Variants in RBFOX1 observed in about 807,000 individuals in gnomAD.
RBFOX1 encodes RNA binding protein fox-1 homolog 1.
RBFOX1 carries 8 observed loss-of-function variants against 57.7 expected under a neutral mutation model. The observed-to-expected ratio is 0.14, with a 90% confidence interval of 0.08 to 0.25. RBFOX1 has a LOEUF of 0.25. Ranked by LOEUF, RBFOX1 falls within the 10% of genes least tolerant of loss-of-function variation. The probability of loss-of-function intolerance (pLI) is 1.00; values close to 1 mark genes in which losing one functional copy is unlikely to be tolerated. For synonymous variants in RBFOX1, 326 were observed against 222.4 expected (o/e 1.47, Z -4.15); for missense variants, 611 against 548.5 (o/e 1.11, Z -1.14).
intron 2 of RBFOX1, among the ~76,000 whole-genome samples, chr16:6,583,440 G>A (rs2097565069): frequency 6.6e-6 from 1 of 152,218 alleles, no homozygotes; most frequent in Admixed American, 6.5e-5. Context: ...TTAAGTTTTG[G>A]GGGAGCATCT....
At chr16:6,977,016 G>A (rs796302767) in intron 3 of RBFOX1, among the ~76,000 whole-genome samples, 17 of 140,948 alleles carry the variant, frequency 1.2e-4, no homozygotes, top group South Asian at 2.2e-4. Context: ...TATATCATAT[G>A]TATCATGTAT....
intron 3 of RBFOX1, among the ~76,000 whole-genome samples, chr16:5,852,993 C>A (rs1190194990): frequency 7.9e-5 from 12 of 152,150 alleles, no homozygotes; most frequent in Non-Finnish European, 2.9e-5. Context: ...GTGCAGAAGA[C>A]TTTTCACTGC....
chr16:6,692,276 T>C (rs1365969654), intron 3 of RBFOX1, among the ~76,000 whole-genome samples: 1 of 150,360 alleles, frequency 6.7e-6, no homozygotes, highest in Non-Finnish European at 1.5e-5. Context: ...GTGTCTGAGC[T>C]GTGGTTTGGA....
chr16:6,501,038 C>A (rs940431049), intron 2 of RBFOX1, among the ~76,000 whole-genome samples: 1 of 151,538 alleles, frequency 6.6e-6, no homozygotes, highest in African/African-American at 2.4e-5. Context: ...AGGATGGTCT[C>A]ACTGCCCATG....
At chr16:6,808,680 C>G (rs1050028844) in intron 3 of RBFOX1, among the ~76,000 whole-genome samples, 1 of 152,094 alleles carries the variant, frequency 6.6e-6, no homozygotes, top group Non-Finnish European at 1.5e-5. Context: ...AAATGGTATA[C>G]AGTGAAGAGT....
At chr16:7,122,096 A>G (rs1044484250) in intron 4 of RBFOX1, among the ~76,000 whole-genome samples, 1 of 152,130 alleles carries the variant, frequency 6.6e-6, no homozygotes, top group African/African-American at 2.4e-5. Flanking sequence ...AGGAGTTAAA[A>G]TAAGAATTTT....
chr16:6,029,491 T>C (rs191285872), intron 1 of RBFOX1, among the ~76,000 whole-genome samples: 21 of 152,260 alleles, frequency 1.4e-4, no homozygotes, highest in African/African-American at 4.8e-4. Context: ...AAGAAAAACA[T>C]GGCCGGGCGT....
chr16:5,436,375 A>G (rs1050469096), intron 1 of RBFOX1, among the ~76,000 whole-genome samples: 2 of 152,326 alleles, frequency 1.3e-5, no homozygotes, highest in African/African-American at 2.4e-5. Context: ...GAAAACCACC[A>G]TCACTCTGCA....
Position 5,425,966 on chromosome 16 carries a change from C to T in RBFOX1, c.220-41250C>T, listed in dbSNP as rs546639177. ...CAGCGGCTTTAGCTTCCTTTCACCC[C>T]TGGAAGGAGAGAGTGTGCAGGGACA... On this transcript the variant is annotated intron_variant, in intron 1 of 2. Transcript: ENST00000585867. 2.0e-5 allele frequency among the ~76,000 whole-genome samples: 3 copies of T among 152,282 alleles called. No homozygotes were observed. The East Asian group carries it at 5.8e-4, about 29-fold the overall frequency.
intron 4 of RBFOX1, among the ~76,000 whole-genome samples, chr16:7,503,460 T>A (rs984007990): frequency 2.0e-5 from 3 of 152,198 alleles, no homozygotes; most frequent in African/African-American, 7.2e-5. Context: ...ATCTGTAGGG[T>A]AACTGCAAGT....
intron 4 of RBFOX1, among the ~76,000 whole-genome samples, chr16:7,489,854 G>A (rs140300448): frequency 5.9e-4 from 90 of 151,928 alleles, no homozygotes; most frequent in Admixed American, 1.0e-3. Flanking sequence ...CCACACTTTC[G>A]CACACCAAGA....
At chr16:7,302,145 T>G (rs1422380217) in intron 4 of RBFOX1, among the ~76,000 whole-genome samples, 1 of 152,112 alleles carries the variant, frequency 6.6e-6, no homozygotes, top group African/African-American at 2.4e-5. Context: ...AACATGCTAC[T>G]GTGTCCCTGA....
At chr16:6,568,373 A>G (rs912649524) in intron 2 of RBFOX1, among the ~76,000 whole-genome samples, 1 of 152,138 alleles carries the variant, frequency 6.6e-6, no homozygotes, top group Non-Finnish European at 1.5e-5. Flanking sequence ...AGGCTGCTGG[A>G]GTGTCCTGGA....
intron 3 of RBFOX1, among the ~76,000 whole-genome samples, chr16:6,949,125 C>G (rs1432889531): frequency 1.3e-5 from 2 of 152,054 alleles, no homozygotes; most frequent in Non-Finnish European, 2.9e-5. Context: ...TTTTTTAAAA[C>G]ATGGATAGGG....
chr16:6,601,153 A>C (rs1201476723), intron 2 of RBFOX1, among the ~76,000 whole-genome samples: 1 of 152,236 alleles, frequency 6.6e-6, no homozygotes, highest in Non-Finnish European at 1.5e-5. Flanking sequence ...TTTAAACTGA[A>C]GAACAGAAAG....
At chr16:7,337,500 T>C (rs1046245471) in intron 4 of RBFOX1, among the ~76,000 whole-genome samples, 3 of 152,116 alleles carry the variant, frequency 2.0e-5, no homozygotes, top group African/African-American at 7.2e-5. Context: ...TTACTGCCAC[T>C]GTAGGATGTG....
At chr16:6,715,627 G>A (rs1353182532) in intron 3 of RBFOX1, among the ~76,000 whole-genome samples, 1 of 152,006 alleles carries the variant, frequency 6.6e-6, no homozygotes, top group Non-Finnish European at 1.5e-5. Context: ...TCTCCTTTCT[G>A]GCCTCATCTC....
chr16:6,979,571 G>T (rs1435151074), intron 3 of RBFOX1, among the ~76,000 whole-genome samples: 1 of 152,180 alleles, frequency 6.6e-6, no homozygotes, highest in Non-Finnish European at 1.5e-5. Context: ...AGAAGAGATA[G>T]CAGGATTGCA....
intron 2 of RBFOX1, among the ~76,000 whole-genome samples, chr16:6,446,690 T>A (rs912530631): frequency 3.3e-5 from 5 of 152,194 alleles, no homozygotes; most frequent in African/African-American, 1.2e-4. Flanking sequence ...TTCTAATTAA[T>A]TTAAGTTAAT....
Sources: gnomAD v4.1 joint callset for allele counts (sites outside exome capture counted in the v4.1 genomes callset) on GRCh38, gnomAD v4.1.1 for gene constraint, MANE v1.5 for transcripts, NCBI Gene and HGNC (gene_info 2026-07-23, HGNC 2026-07-21) for gene names.